NRXN1: variants seen among roughly 807,000 people sequenced by gnomAD.
The protein encoded by NRXN1 is neurexin-1.
Under a neutral mutation model 150.9 loss-of-function variants are expected in NRXN1, and 39 were observed. The ratio of observed to expected loss-of-function variants is 0.26; its 90% CI spans 0.20 to 0.34. The LOEUF (loss-of-function observed/expected upper bound fraction) is 0.34, where lower values mean the gene tolerates loss of function less well. NRXN1 is among the 10% of genes least tolerant of loss of function. The pLI is 1.00. For missense variants in NRXN1, 1,815 were observed against 1,949.9 expected (o/e 0.93, Z 1.30); for synonymous variants, 924 against 757.0 (o/e 1.22, Z -3.62).
At chr2:50,538,729 C>T (rs1382600136) in intron 9 of NRXN1, 93 bp from the exon 10 acceptor site, 1 of 1,011,132 alleles carries the variant, frequency 9.9e-7, no homozygotes, top group East Asian at 2.8e-5. Context: ...TGGTTAACTC[C>T]TTGGAGGCAG....
At chr2:50,823,317 A>T (rs1204236128) in intron 5 of NRXN1, among the ~76,000 whole-genome samples, 1 of 152,208 alleles carries the variant, frequency 6.6e-6, no homozygotes, top group Non-Finnish European at 1.5e-5. Context: ...CTAGGCCATC[A>T]GTGCAGACCT....
chr2:50,607,109 G>A (rs888800856), intron 8 of NRXN1, among the ~76,000 whole-genome samples: 5 of 152,128 alleles, frequency 3.3e-5, no homozygotes, highest in African/African-American at 1.2e-4. Flanking sequence ...GGAAGATAGT[G>A]TGAAAAGGGA....
chr2:50,017,978 G>C (rs907688209), intron 21 of NRXN1, among the ~76,000 whole-genome samples: 1 of 151,904 alleles, frequency 6.6e-6, no homozygotes, highest in African/African-American at 2.4e-5. Flanking sequence ...AGGATGCTAC[G>C]GTATTTTTAA....
chr2:50,896,128 T>C (rs762548420), intron 5 of NRXN1, among the ~76,000 whole-genome samples: 9 of 152,192 alleles, frequency 5.9e-5, no homozygotes, highest in Admixed American at 3.9e-4. Context: ...AATTATTTCT[T>C]ACTATTTACT....
chr2:50,820,266 A>G (rs940481549), intron 5 of NRXN1, among the ~76,000 whole-genome samples: 35 of 152,054 alleles, frequency 2.3e-4, no homozygotes, highest in African/African-American at 8.5e-4. Flanking sequence ...GATAGTGTCT[A>G]TCTTTATTCT....
intron 5 of NRXN1, among the ~76,000 whole-genome samples, chr2:50,862,309 T>C (rs1433401172): frequency 5.3e-5 from 8 of 152,004 alleles, no homozygotes; most frequent in African/African-American, 1.9e-4. Context: ...AGTGGTATCA[T>C]AAATTTATTT....
intron 2 of NRXN1, among the ~76,000 whole-genome samples, chr2:51,008,262 C>T (rs1194745147): frequency 1.3e-5 from 2 of 151,878 alleles, no homozygotes; most frequent in African/African-American, 4.8e-5. Context: ...TGCTATTATA[C>T]TATCTAAAAA....
At chr2:50,635,226 C>G (rs569805705) in intron 5 of NRXN1, among the ~76,000 whole-genome samples, 2 of 151,634 alleles carry the variant, frequency 1.3e-5, no homozygotes, top group Non-Finnish European at 2.9e-5. Context: ...GGCGCGATCT[C>G]AGCTCACTGC....
At chr2:50,273,275 C>T (rs1240940475) in intron 17 of NRXN1, among the ~76,000 whole-genome samples, 1 of 152,244 alleles carries the variant, frequency 6.6e-6, no homozygotes, top group Non-Finnish European at 1.5e-5. Context: ...ATTTTTAGGA[C>T]TTTATCATAC....
chr2:50,105,299 T>G (rs1701486428), intron 18 of NRXN1: 1 of 152,048 alleles, frequency 6.6e-6, no homozygotes, highest in African/African-American at 2.4e-5. Context: ...AGTGAAATAT[T>G]AATCTCCATT....
chr2:51,000,930 G>A (rs1456279214), intron 2 of NRXN1, among the ~76,000 whole-genome samples: 1 of 151,820 alleles, frequency 6.6e-6, no homozygotes, highest in Non-Finnish European at 1.5e-5. Flanking sequence ...ACACATGCCT[G>A]GTTTCTGACC....
chr2:50,015,291 A>G (rs1241524306), intron 21 of NRXN1, among the ~76,000 whole-genome samples: 2 of 151,920 alleles, frequency 1.3e-5, no homozygotes, highest in African/African-American at 2.4e-5. Flanking sequence ...TCCTTTAACG[A>G]TATGTGGAAA....
intron 8 of NRXN1, among the ~76,000 whole-genome samples, chr2:50,573,142 G>A (rs940676716): frequency 1.3e-5 from 2 of 152,102 alleles, no homozygotes; most frequent in Non-Finnish European, 1.5e-5. Flanking sequence ...GGTTGGGGCA[G>A]GAGGATTGCT....
chr2:50,451,162 C>T (rs1204682878), intron 17 of NRXN1, among the ~76,000 whole-genome samples: 1 of 152,076 alleles, frequency 6.6e-6, no homozygotes, highest in East Asian at 1.9e-4. Flanking sequence ...AGAGACAGGG[C>T]TTTGCCATGT....
At chr2:50,281,268 G>A (rs534020864) in intron 17 of NRXN1, among the ~76,000 whole-genome samples, 4 of 151,732 alleles carry the variant, frequency 2.6e-5, no homozygotes, top group African/African-American at 4.9e-5. Context: ...AGTGAGCCGA[G>A]ATCGCGCCGC....
At chr2:50,339,788 C>T (rs753541807) in intron 17 of NRXN1, among the ~76,000 whole-genome samples, 1 of 152,160 alleles carries the variant, frequency 6.6e-6, no homozygotes, top group Admixed American at 6.5e-5. Context: ...CTAAGTACCA[C>T]AAGGTAATAT....
chr2:50,114,809 G>A (rs1177695203), intron 18 of NRXN1, among the ~76,000 whole-genome samples: 1 of 151,870 alleles, frequency 6.6e-6, no homozygotes, highest in Non-Finnish European at 1.5e-5. Flanking sequence ...TTCTGGAAAA[G>A]GATAAACTAT....
chr2:50,802,500 TGGAAGGAAGGAAGGAAGGAAGGAAGGAA>T (rs749335750), intron 5 of NRXN1, among the ~76,000 whole-genome samples: 14 of 88,368 alleles, frequency 1.6e-4, no homozygotes, highest in African/African-American at 3.0e-4. Context: ...GAAAGAGAAA[TGGAAGGAAGGAAGGAAGGAAGGAAGGAA>T]GGAAGGAAGG....
intron 17 of NRXN1, among the ~76,000 whole-genome samples, chr2:50,446,397 C>A (rs1006555661): frequency 1.5e-5 from 2 of 137,582 alleles, no homozygotes; most frequent in Non-Finnish European, 3.1e-5. Flanking sequence ...CCTATCTCCC[C>A]CTGCTTGCCC....
Sources: allele counts gnomAD v4.1 joint callset (sites outside exome capture counted in the v4.1 genomes callset), GRCh38; gene constraint gnomAD v4.1.1; transcripts MANE v1.5; gene names NCBI Gene and HGNC (gene_info 2026-07-23, HGNC 2026-07-21).